Variants in ARHGAP15 observed in about 807,000 individuals in gnomAD.
The protein encoded by ARHGAP15 is rho GTPase-activating protein 15.
Under a neutral mutation model 63.7 loss-of-function variants are expected in ARHGAP15, and 51 were observed. The observed-to-expected ratio is 0.80, with a 90% CI of 0.64 to 1.01. The LOEUF (loss-of-function observed/expected upper bound fraction) is 1.01, where lower values mean the gene tolerates loss of function less well. ARHGAP15 is among the 50% of genes least tolerant of loss of function. The pLI is 0.00. For missense variants in ARHGAP15, 560 were observed against 564.6 expected, an observed-to-expected ratio of 0.99 and a Z score of 0.08; for synonymous variants, 191 against 193.8, an observed-to-expected ratio of 0.99 and a Z score of 0.12.
At chr2:143,737,514 T>C (rs1286239991) in intron 13 of ARHGAP15, among the ~76,000 whole-genome samples, 1 of 152,174 alleles carries the variant, frequency 6.6e-6, no homozygotes, top group African/African-American at 2.4e-5. Context: ...CTGCCAGTCA[T>C]AAACAATAGG....
intron 11 of ARHGAP15, among the ~76,000 whole-genome samples, chr2:143,598,833 C>A (rs1201453473): frequency 6.6e-6 from 1 of 152,042 alleles, no homozygotes; most frequent in Non-Finnish European, 1.5e-5. Context: ...GAGAGGATCA[C>A]TTAAGTTCAG....
At chr2:143,578,496 G>C (rs1696762267) in intron 11 of ARHGAP15, among the ~76,000 whole-genome samples, 1 of 152,144 alleles carries the variant, frequency 6.6e-6, no homozygotes, top group South Asian at 2.1e-4. Flanking sequence ...GGGCCAGGGA[G>C]AGTAATGTTG....
chr2:143,641,283 C>CA (rs908237848), intron 12 of ARHGAP15: 220 of 145,912 alleles, frequency 1.5e-3, no homozygotes, highest in African/African-American at 3.4e-3. Context: ...CAAACAACAA[C>CA]AAAAAAAAAA....
intron 6 of ARHGAP15, among the ~76,000 whole-genome samples, chr2:143,278,816 A>T (rs1337538562): frequency 6.6e-6 from 1 of 151,638 alleles, no homozygotes; most frequent in Non-Finnish European, 1.5e-5. Flanking sequence ...ACATTTTGAG[A>T]TACAGATATT....
intron 6 of ARHGAP15, among the ~76,000 whole-genome samples, chr2:143,321,649 C>T (rs1684030854): frequency 6.6e-6 from 1 of 152,256 alleles, no homozygotes; most frequent in Admixed American, 6.5e-5. Flanking sequence ...GAGAGTACTT[C>T]CTCCAAGGAA....
chr2:143,349,109 T>A (rs1685443857), intron 6 of ARHGAP15, among the ~76,000 whole-genome samples: 1 of 152,204 alleles, frequency 6.6e-6, no homozygotes, highest in Non-Finnish European at 1.5e-5. Context: ...CTCCAAAGTT[T>A]CTTTTATTGA....
intron 6 of ARHGAP15, among the ~76,000 whole-genome samples, chr2:143,325,030 C>T (rs907107480): frequency 7.2e-5 from 11 of 152,114 alleles, no homozygotes; most frequent in Non-Finnish European, 1.6e-4. Context: ...ACTAGTCAAT[C>T]TCAAGGTTTT....
intron 12 of ARHGAP15, among the ~76,000 whole-genome samples, chr2:143,679,691 G>C (rs1024158001): frequency 6.6e-6 from 1 of 151,288 alleles, no homozygotes; most frequent in Admixed American, 6.6e-5. Context: ...GTGTATGTGT[G>C]TGTGTGCAAG....
intron 13 of ARHGAP15, among the ~76,000 whole-genome samples, chr2:143,763,121 A>G (rs1686819566): frequency 6.6e-6 from 1 of 152,080 alleles, no homozygotes; most frequent in African/African-American, 2.4e-5. Context: ...GCTGGTCCCC[A>G]CAGTAGGAGT....
chr2:143,746,723 C>T (rs115097578), intron 13 of ARHGAP15, among the ~76,000 whole-genome samples: 2,216 of 152,054 alleles, frequency 0.015, 59 homozygotes, highest in African/African-American at 0.051. Flanking sequence ...AATAACTTAG[C>T]GATAAAAATA....
chr2:143,292,510 A>C (rs562906623), intron 6 of ARHGAP15, among the ~76,000 whole-genome samples: 1 of 152,030 alleles, frequency 6.6e-6, no homozygotes, highest in East Asian at 1.9e-4. Context: ...TAGCAACACT[A>C]ATAATGTCAT....
At chr2:143,624,520 G>A (rs1035234108) in intron 12 of ARHGAP15, among the ~76,000 whole-genome samples, 1 of 152,036 alleles carries the variant, frequency 6.6e-6, no homozygotes, top group Non-Finnish European at 1.5e-5. Flanking sequence ...ATTTAACTAA[G>A]TATCCTCAAA....
intron 6 of ARHGAP15, among the ~76,000 whole-genome samples, chr2:143,344,467 A>G (rs1336655452): frequency 1.3e-5 from 2 of 152,134 alleles, no homozygotes; most frequent in African/African-American, 2.4e-5. Flanking sequence ...GTGTGTATTA[A>G]GGAAGTACTG....
intron 8 of ARHGAP15, among the ~76,000 whole-genome samples, chr2:143,470,985 A>G (rs1420556131): frequency 7.7e-6 from 1 of 130,104 alleles, no homozygotes; most frequent in African/African-American, 2.6e-5. Flanking sequence ...ACACACGTGT[A>G]TCATATACAT....
intron 6 of ARHGAP15, among the ~76,000 whole-genome samples, chr2:143,379,487 A>ATATGTGTGTGTGTG (rs1202571594): frequency 3.1e-5 from 4 of 129,764 alleles, no homozygotes; most frequent in South Asian, 5.4e-4. Context: ...AGGCATATAT[A>ATATGTGTGTGTGTG]TGTGTGTGTG....
intron 12 of ARHGAP15, among the ~76,000 whole-genome samples, chr2:143,636,109 G>T (rs1680301961): frequency 6.6e-6 from 1 of 152,006 alleles, no homozygotes; most frequent in South Asian, 2.1e-4. Context: ...CAGGTGAAAG[G>T]TTGACCCTTT....
chr2:143,370,387 T>C (rs1008453792), intron 6 of ARHGAP15, among the ~76,000 whole-genome samples: 3 of 152,064 alleles, frequency 2.0e-5, no homozygotes, highest in Non-Finnish European at 2.9e-5. Context: ...CTGGGAGATA[T>C]ACCTAATGCT....
chr2:143,322,221 A>G (rs541289256), intron 6 of ARHGAP15, among the ~76,000 whole-genome samples: 10 of 152,282 alleles, frequency 6.6e-5, no homozygotes, highest in South Asian at 4.1e-4. Context: ...ACTCCTAAGC[A>G]GTTTGTTTCT....
intron 6 of ARHGAP15, among the ~76,000 whole-genome samples, chr2:143,371,069 T>C (rs1686527895): frequency 6.6e-6 from 1 of 152,212 alleles, no homozygotes; most frequent in African/African-American, 2.4e-5. Flanking sequence ...GTTGTGGTCA[T>C]TGTTTTGACT....
Sources: allele counts gnomAD v4.1 joint callset (sites outside exome capture counted in the v4.1 genomes callset), GRCh38; gene constraint gnomAD v4.1.1; transcripts MANE v1.5; gene names NCBI Gene and HGNC (gene_info 2026-07-23, HGNC 2026-07-21).